The following DLGAP1 variants were observed in gnomAD, a reference collection of about 807,000 sequenced individuals.
DLGAP1 encodes disks large-associated protein 1.
DLGAP1 carries 11 observed loss-of-function variants against 90.8 expected under a neutral mutation model. The observed-to-expected ratio is 0.12, with a 90% confidence interval of 0.08 to 0.20. The LOEUF (loss-of-function observed/expected upper bound fraction) is 0.20. Among genes scored for constraint, DLGAP1 ranks in the 10% least tolerant of loss-of-function variants. The pLI, the probability that DLGAP1 is intolerant of heterozygous loss-of-function variation, is 1.00. For missense variants in DLGAP1, 1,050 were observed against 1,333.8 expected, an observed-to-expected ratio of 0.79 and a Z score of 3.31; for synonymous variants, 558 against 540.7, an observed-to-expected ratio of 1.03 and a Z score of -0.44.
chr18:3,522,205 C>T (rs2051247012), intron 10 of DLGAP1, among the ~76,000 whole-genome samples: 2 of 135,186 alleles, frequency 1.5e-5, no homozygotes, highest in African/African-American at 2.9e-5. Flanking sequence ...AGTACCATGT[C>T]GGCTCACTGC....
chr18:4,077,366 A>G (rs912802483), intron 2 of DLGAP1, among the ~76,000 whole-genome samples: 1 of 152,116 alleles, frequency 6.6e-6, no homozygotes, highest in African/African-American at 2.4e-5. Flanking sequence ...TTGTTTGGAT[A>G]TGGTTTGTTT....
At chr18:3,721,616 T>G (rs2061986664) in intron 7 of DLGAP1, 1 of 152,222 alleles carries the variant, frequency 6.6e-6, no homozygotes, top group South Asian at 2.1e-4. Context: ...GAGAATTTTT[T>G]AGAAACTGAT....
chr18:4,345,810 C>A (rs1473771454), intron 1 of DLGAP1, among the ~76,000 whole-genome samples: 1 of 152,196 alleles, frequency 6.6e-6, no homozygotes, highest in African/African-American at 2.4e-5. Context: ...TTCCAATTTA[C>A]AAGAAAGCAG....
chr18:3,895,324 ATCAT>A, intron 3 of DLGAP1, among the ~76,000 whole-genome samples: 1 of 133,902 alleles, frequency 7.5e-6, no homozygotes, highest in African/African-American at 3.0e-5. Flanking sequence ...CACACACATC[ATCAT>A]CATCATCATC....
chr18:4,409,157 AGTT>A (rs1458630227), intron 1 of DLGAP1, among the ~76,000 whole-genome samples: 1 of 152,126 alleles, frequency 6.6e-6, no homozygotes, highest in African/African-American at 2.4e-5. Flanking sequence ...TAAAGAAACT[AGTT>A]ATTATAAAAT....
intron 1 of DLGAP1, among the ~76,000 whole-genome samples, chr18:4,420,564 T>C (rs281011): frequency 1 from 151,894 of 152,244 alleles, 75,772 homozygotes; most frequent in Middle Eastern, 1. Context: ...AGCATTGGGC[T>C]CCATCATTGA....
At chr18:3,911,622 C>A (rs1343684320) in intron 3 of DLGAP1, among the ~76,000 whole-genome samples, 3 of 152,196 alleles carry the variant, frequency 2.0e-5, no homozygotes, top group Admixed American at 2.0e-4. Flanking sequence ...AATCACCCAG[C>A]AAGGGCATTA....
intron 10 of DLGAP1, among the ~76,000 whole-genome samples, chr18:3,524,385 G>A (rs531184590): frequency 6.6e-6 from 1 of 152,172 alleles, no homozygotes; most frequent in South Asian, 2.1e-4. Context: ...CCACAACATA[G>A]ATGGACTGGA....
intron 2 of DLGAP1, among the ~76,000 whole-genome samples, chr18:4,098,090 T>C (rs759649244): frequency 1.1e-4 from 17 of 152,178 alleles, no homozygotes; most frequent in Non-Finnish European, 2.2e-4. Flanking sequence ...ATCTCTTTTG[T>C]ATTTGTAGAG....
chr18:3,704,667 T>A (rs575445374), intron 7 of DLGAP1, among the ~76,000 whole-genome samples: 2 of 152,180 alleles, frequency 1.3e-5, no homozygotes, highest in Non-Finnish European at 2.9e-5. Context: ...TTTTTAAATC[T>A]TCTTAAACAA....
chr18:3,991,135 TA>T (rs1256792201), intron 3 of DLGAP1, among the ~76,000 whole-genome samples: 1 of 152,034 alleles, frequency 6.6e-6, no homozygotes, highest in Non-Finnish European at 1.5e-5. Flanking sequence ...CAAATTTTTT[TA>T]AAATTTGTTT....
intron 1 of DLGAP1, among the ~76,000 whole-genome samples, chr18:4,442,370 C>A (rs1227530555): frequency 3.3e-5 from 5 of 152,248 alleles, no homozygotes; most frequent in Non-Finnish European, 7.4e-5. Context: ...CTAGTGTATA[C>A]TAAGCACTCA....
At chr18:4,023,638 A>T (rs2074650561) in intron 2 of DLGAP1, among the ~76,000 whole-genome samples, 1 of 152,188 alleles carries the variant, frequency 6.6e-6, no homozygotes, top group Admixed American at 6.5e-5. Flanking sequence ...GTTTAATTTA[A>T]ATTGGTCTTC....
intron 1 of DLGAP1, among the ~76,000 whole-genome samples, chr18:4,437,887 A>G (rs2083441200): frequency 6.7e-6 from 1 of 150,016 alleles, no homozygotes. Context: ...GAATTAACTT[A>G]TAACATATAG....
intron 3 of DLGAP1, 43 bp from the exon 4 acceptor site, chr18:3,880,183 T>G: frequency 2.1e-6 from 2 of 959,378 alleles, no homozygotes; most frequent in Non-Finnish European, 3.1e-6. Flanking sequence ...ACATTTCTCT[T>G]GGAAATTAGG....
intron 1 of DLGAP1, among the ~76,000 whole-genome samples, chr18:4,217,560 C>T (rs777061307): frequency 1.8e-4 from 27 of 151,850 alleles, no homozygotes; most frequent in Non-Finnish European, 2.8e-4. Context: ...GATGATGTTC[C>T]GTGTATTTTC....
At chr18:3,806,207 C>T (rs1369950659) in intron 5 of DLGAP1, among the ~76,000 whole-genome samples, 1 of 152,124 alleles carries the variant, frequency 6.6e-6, no homozygotes, top group East Asian at 1.9e-4. Flanking sequence ...AAAATAGTAA[C>T]CTGTAAACAA....
In DLGAP1 at chr18:4,454,232, C is replaced by T. The variant is rs2083910356; in HGVS notation, c.-267+774G>A. The stretch of plus-strand genomic sequence containing the variant: ...CTGCAGCCGCCCCTCAATGAAAGTG[C>T]AATGTGTTATCTCGCCCAGCCCAGA... On this transcript the variant is annotated intron_variant, in intron 1 of 12. Coordinates refer to ENST00000315677, the MANE Select transcript of DLGAP1 (RefSeq NM_004746.4). The surrounding 1 kb of genome is among the most constrained non-coding windows in gnomAD (Gnocchi z 4.7). Among the ~76,000 whole-genome samples the T allele has an allele frequency of 6.6e-6, 1 of 152,210 alleles. No individual in the cohort carries two copies. Among genetic ancestry groups the T allele is most frequent in the African/African-American group, 2.4e-5 (1 of 41,462 alleles).
intron 1 of DLGAP1, among the ~76,000 whole-genome samples, chr18:4,242,432 G>C (rs2078557846): frequency 6.6e-6 from 1 of 152,028 alleles, no homozygotes; most frequent in African/African-American, 2.4e-5. Flanking sequence ...TGAAATGAAG[G>C]AGAACACAAG....
Sources: gnomAD v4.1 joint callset for allele counts (sites outside exome capture counted in the v4.1 genomes callset) on GRCh38, gnomAD v4.1.1 for gene constraint, Gnocchi (gnomAD v3.1) non-coding constraint, MANE v1.5 for transcripts, NCBI Gene and HGNC (gene_info 2026-07-23, HGNC 2026-07-21) for gene names.